VWA3B: variants seen among roughly 807,000 people sequenced by gnomAD.
VWA3B encodes von Willebrand factor A domain containing 3B, also known as von Willebrand factor A domain-containing protein 3B.
Under a neutral mutation model 158.3 loss-of-function variants are expected in VWA3B, and 138 were observed. The ratio of observed to expected loss-of-function variants is 0.87; its 90% CI spans 0.76 to 1.00. The LOEUF is 1.00. VWA3B is among the 50% of genes least tolerant of loss of function. VWA3B has a pLI of 0.00. For synonymous variants in VWA3B, 596 were observed against 587.3 expected (o/e 1.01, Z -0.21); for missense variants, 1,555 against 1,565.1 (o/e 0.99, Z 0.11).
intron 14 of VWA3B, among the ~76,000 whole-genome samples, chr2:98,226,357 T>C (rs979943877): frequency 1.3e-5 from 2 of 152,186 alleles, no homozygotes; most frequent in Non-Finnish European, 2.9e-5. Flanking sequence ...GTTGGAGCAA[T>C]TGGATATCCA....
At chr2:98,193,075 T>G in intron 11 of VWA3B, 39 bp downstream of exon 11, 1 of 1,579,918 alleles carries the variant, frequency 6.3e-7, no homozygotes, top group Non-Finnish European at 8.6e-7. Flanking sequence ...TGGGGCTTTG[T>G]GTATCAGATG....
chr2:98,113,751 G>T (rs933953037), intron 2 of VWA3B, among the ~76,000 whole-genome samples: 4 of 152,240 alleles, frequency 2.6e-5, no homozygotes, highest in Middle Eastern at 3.4e-3. Flanking sequence ...CATTGAAATA[G>T]AATTTATAAT....
chr2:98,265,116 A>T (rs1467867829), intron 21 of VWA3B, among the ~76,000 whole-genome samples: 1 of 151,520 alleles, frequency 6.6e-6, no homozygotes, highest in Non-Finnish European at 1.5e-5. Context: ...ATATGTATAC[A>T]TGTGCCATGC....
intron 12 of VWA3B, chr2:98,207,209 A>G (rs1683098424): frequency 3.7e-6 from 2 of 547,632 alleles, no homozygotes; most frequent in South Asian, 2.9e-5. Flanking sequence ...GAGGAGATCT[A>G]TCACCTCTGT....
intron 8 of VWA3B, among the ~76,000 whole-genome samples, chr2:98,167,431 G>C (rs1679180616): frequency 6.6e-6 from 1 of 152,164 alleles, no homozygotes; most frequent in East Asian, 1.9e-4. Flanking sequence ...AAGAATGAAG[G>C]CCAGTGATTT....
At chr2:98,253,886 C>G (rs1169063868) in intron 20 of VWA3B, among the ~76,000 whole-genome samples, 1 of 152,176 alleles carries the variant, frequency 6.6e-6, no homozygotes, top group Non-Finnish European at 1.5e-5. Flanking sequence ...AGTGCCGGGC[C>G]TGAATCCCAC....
intron 22 of VWA3B, among the ~76,000 whole-genome samples, chr2:98,279,763 C>G (rs534498512): frequency 3.5e-4 from 53 of 152,276 alleles, no homozygotes; most frequent in African/African-American, 1.2e-3. Flanking sequence ...ACCCCGGCTT[C>G]CTCCTGCCTT....
intron 2 of VWA3B, among the ~76,000 whole-genome samples, chr2:98,112,541 A>AT (rs1674221675): frequency 6.6e-6 from 1 of 151,908 alleles, no homozygotes. Flanking sequence ...CATATGATGT[A>AT]TATAATGTAT....
chr2:98,179,187 T>C, intron 8 of VWA3B: 1 of 470,888 alleles, frequency 2.1e-6, no homozygotes, highest in South Asian at 1.5e-5. Context: ...CCTCCTCAGC[T>C]TCACAGTTCC....
chr2:98,230,823 T>C (rs1685289846), intron 16 of VWA3B, among the ~76,000 whole-genome samples: 1 of 151,904 alleles, frequency 6.6e-6, no homozygotes, highest in African/African-American at 2.4e-5. Flanking sequence ...GAAGAAAAAA[T>C]AAAGCCAGAA....
chr2:98,257,542 A>G (rs1288246769), intron 21 of VWA3B, among the ~76,000 whole-genome samples: 3 of 149,030 alleles, frequency 2.0e-5, no homozygotes, highest in Non-Finnish European at 4.5e-5. Context: ...AACACTTGAC[A>G]TTTTCCTTTT....
At position 98,234,697 on chromosome 2, in the gene VWA3B, C is replaced by T. The variant is rs776737465; in HGVS notation, c.2358C>T (p.Ser786=). ...LLRSQMSSLR[S]SACSERKDGL... The stretch of plus-strand genomic sequence containing the variant: ...GAAGCCAGATGTCCTCCCTCAGGAG[C>T]TCAGCTTGCAGTGAAAGGAAGGATG... The change falls in exon 17 of 28, where the codon AGC becomes AGT. Residue 786 remains serine, a synonymous_variant. Transcript: ENST00000477737. The T allele has an allele frequency of 6.2e-7, 1 of 1,614,220 alleles. No homozygotes were observed. Among genetic ancestry groups the T allele is most frequent in the Non-Finnish European group, 8.5e-7 (1 of 1,180,032 alleles).
intron 3 of VWA3B, 69 bp downstream of exon 3, chr2:98,115,815 TG>T: frequency 7.6e-7 from 1 of 1,317,026 alleles, no homozygotes; most frequent in Non-Finnish European, 1.1e-6. Context: ...GAGTGCAGTG[TG>T]GGGAGAGACT....
At chr2:98,122,019 C>T (rs1217294842) in intron 5 of VWA3B, 2 of 152,424 alleles carry the variant, frequency 1.3e-5, no homozygotes, top group South Asian at 2.1e-4. Flanking sequence ...CTGATGACTC[C>T]ATCCATTTTT....
Position 98,221,467 on chromosome 2 carries a change from C to T in VWA3B, c.2019+3439C>T, listed in dbSNP as rs1684503313. Among the ~76,000 whole-genome samples, 5 of 152,314 alleles carry T rather than the reference C, an allele frequency of 3.3e-5. No homozygotes were observed. The South Asian group carries it at 8.3e-4, about 25-fold the overall frequency. ...TGCCAAACAGGGAGTTAATCTTTCA[C>T]CCACTCTCTTGCTTCATGGAAGCAA... On this transcript the variant is annotated intron_variant, in intron 14 of 27. Transcript: ENST00000477737.
rs368065392 is a variant in VWA3B at position 98,193,054 on chromosome 2, G to T, written c.1605+18G>T. The T allele has an allele frequency of 1.3e-5, 20 of 1,598,076 alleles. No homozygotes were observed. Among genetic ancestry groups the T allele is most frequent in the Non-Finnish European group, 1.4e-5 (16 of 1,171,474 alleles). ...TCATACAGGTTAGATGGAACTGTCG[G>T]TTCATGCATTTGGGGCTTTGTGTAT... On this transcript the variant is annotated intron_variant, in intron 11 of 27. Coordinates refer to ENST00000477737, the MANE Select transcript of VWA3B (RefSeq NM_144992.5).
At chr2:98,190,619 G>A (rs1346168223) in intron 10 of VWA3B, among the ~76,000 whole-genome samples, 1 of 152,106 alleles carries the variant, frequency 6.6e-6, no homozygotes, top group African/African-American at 2.4e-5. Flanking sequence ...CGAATGATGT[G>A]TTGGCTAAGC....
At chr2:98,107,875 G>T (rs1391895702) in intron 2 of VWA3B, among the ~76,000 whole-genome samples, 11 of 151,522 alleles carry the variant, frequency 7.3e-5, no homozygotes, top group Non-Finnish European at 1.3e-4. Flanking sequence ...TTTCTACTTT[G>T]ATCTTTATTA....
chr2:98,267,648 A>G (rs1687927602), intron 21 of VWA3B, among the ~76,000 whole-genome samples: 4 of 152,194 alleles, frequency 2.6e-5, no homozygotes, highest in East Asian at 1.9e-4. Context: ...GCAAGAGCAA[A>G]CACATTCAAA....
Sources: allele counts gnomAD v4.1 joint callset (sites outside exome capture counted in the v4.1 genomes callset), GRCh38; gene constraint gnomAD v4.1.1; transcripts MANE v1.5; gene names NCBI Gene and HGNC (gene_info 2026-07-23, HGNC 2026-07-21).